PPP6R3: variants seen among roughly 807,000 people sequenced by gnomAD.
PPP6R3 encodes serine/threonine-protein phosphatase 6 regulatory subunit 3.
A neutral mutation model predicts 110.7 loss-of-function variants in PPP6R3; 38 were observed. The observed-to-expected ratio is 0.34, with a 90% CI of 0.26 to 0.45. The LOEUF (loss-of-function observed/expected upper bound fraction) is 0.45. Ranked by LOEUF, PPP6R3 falls within the 20% of genes least tolerant of loss-of-function variation. The pLI, the probability that PPP6R3 is intolerant of heterozygous loss-of-function variation, is 1.00. For synonymous variants in PPP6R3, 369 were observed against 373.5 expected (o/e 0.99, Z 0.14); for missense variants, 870 against 1,062.4 (o/e 0.82, Z 2.52).
At chr11:68,556,778 T>C (rs2099401265) in intron 7 of PPP6R3, among the ~76,000 whole-genome samples, 1 of 152,198 alleles carries the variant, frequency 6.6e-6, no homozygotes, top group Admixed American at 6.5e-5. Flanking sequence ...AGTCCTTTGG[T>C]TTATTATTTC....
chr11:68,588,046 C>G (rs190552433), intron 16 of PPP6R3, 22 bp downstream of exon 16: 1 of 1,587,074 alleles, frequency 6.3e-7, no homozygotes, highest in East Asian at 2.2e-5. Context: ...TTTCTGTTTC[C>G]GCTGTTGCTC....
intron 15 of PPP6R3, among the ~76,000 whole-genome samples, chr11:68,583,891 C>T (rs1593577534): frequency 6.6e-6 from 1 of 152,164 alleles, no homozygotes; most frequent in Non-Finnish European, 1.5e-5. Context: ...GGACACCTTC[C>T]CACCCAGCAC....
At chr11:68,466,433 C>CTTTTTTTT (rs906791744) in intron 1 of PPP6R3, among the ~76,000 whole-genome samples, 65 of 125,388 alleles carry the variant, frequency 5.2e-4, no homozygotes, top group African/African-American at 1.6e-3. Flanking sequence ...AGGACATTTT[C>CTTTTTTTT]TTTTTTTTTT....
chr11:68,494,519 T>C (rs903348983), intron 1 of PPP6R3, among the ~76,000 whole-genome samples: 3 of 152,038 alleles, frequency 2.0e-5, no homozygotes, highest in African/African-American at 7.2e-5. Context: ...TTTAATTATT[T>C]GTGATTTGTT....
intron 14 of PPP6R3, among the ~76,000 whole-genome samples, chr11:68,579,777 A>G (rs2099545918): frequency 6.6e-6 from 1 of 152,214 alleles, no homozygotes; most frequent in Non-Finnish European, 1.5e-5. Flanking sequence ...TTTTATTTGT[A>G]GATACACAAA....
At chr11:68,570,896 T>G (rs2099501690) in intron 11 of PPP6R3, 144 bp from the exon 12 acceptor site, 3 of 999,630 alleles carry the variant, frequency 3.0e-6, no homozygotes, top group African/African-American at 1.7e-5. Flanking sequence ...TGCAGTAGAT[T>G]GATGATCACA....
intron 23 of PPP6R3, among the ~76,000 whole-genome samples, chr11:68,611,927 A>C (rs984958404): frequency 2.6e-5 from 4 of 152,172 alleles, no homozygotes; most frequent in Non-Finnish European, 5.9e-5. Flanking sequence ...ACACTTAAAG[A>C]TCTGCATTGC....
chr11:68,573,114 TTATATATATATATATATA>T (rs60848718), intron 12 of PPP6R3, among the ~76,000 whole-genome samples: 1,156 of 61,808 alleles, frequency 0.019, 100 homozygotes, highest in Non-Finnish European at 0.017. Context: ...TTTACTTATT[TTATATATATATATATATA>T]TATATATATA....
Position 68,601,897 on chromosome 11 carries a change from G to C in PPP6R3, c.2227G>C (p.Glu743Gln). ...TTCTTTAAGGAGTAATTCTCCAGTG[G>C]AAATGGAAACCAGCACTGAACCCAT... ...KDSLRSNSPV[E>Q]METSTEPMDP... The change falls in exon 21 of 24, where the codon GAA (glutamate) becomes CAA (glutamine). Residue 743 changes from glutamate (E) to glutamine (Q), a missense_variant. By Grantham distance (29) the Glu-to-Gln change is conservative. Coordinates refer to ENST00000393800, the MANE Select transcript of PPP6R3 (RefSeq NM_001164161.2). 1 of 1,613,412 alleles carries C rather than the reference G, an allele frequency of 6.2e-7. No individual in the cohort carries two copies. The highest frequency in any genetic ancestry group is 2.2e-5 in the East Asian group (1 of 44,856).
rs531709214 is a variant in PPP6R3 at position 68,499,041 on chromosome 11, G to C, written c.-157-20460G>C. Among the ~76,000 whole-genome samples the C allele has an allele frequency of 4.6e-5, 7 of 152,278 alleles. 2 individuals are homozygous for C. Among genetic ancestry groups the C allele is most frequent in the African/African-American group, 1.7e-4 (7 of 41,556 alleles). ...CTTAGGGCAATTTTAATTTACAGTA[G>C]TGAGGTCATACGTTTATTGGTCATT... On this transcript the variant is annotated intron_variant, in intron 1 of 23. Coordinates refer to ENST00000393800, the MANE Select transcript of PPP6R3 (RefSeq NM_001164161.2).
intron 1 of PPP6R3, among the ~76,000 whole-genome samples, chr11:68,515,524 A>C (rs1565540064): frequency 6.6e-6 from 1 of 152,246 alleles, no homozygotes; most frequent in Non-Finnish European, 1.5e-5. Flanking sequence ...CGATGTTCCA[A>C]AACACGCCCA....
intron 19 of PPP6R3, among the ~76,000 whole-genome samples, chr11:68,598,086 C>T (rs946878640): frequency 1.3e-5 from 2 of 152,264 alleles, no homozygotes; most frequent in Admixed American, 6.5e-5. Flanking sequence ...AACAATTCCT[C>T]ATTTCTACTT....
At chr11:68,474,345 C>G (rs1003042404) in intron 1 of PPP6R3, among the ~76,000 whole-genome samples, 1 of 152,172 alleles carries the variant, frequency 6.6e-6, no homozygotes, top group Non-Finnish European at 1.5e-5. Flanking sequence ...TGCGTCCAGC[C>G]TGATTATCTT....
At chr11:68,471,254 G>A (rs974699772) in intron 1 of PPP6R3, among the ~76,000 whole-genome samples, 6 of 147,828 alleles carry the variant, frequency 4.1e-5, no homozygotes, top group African/African-American at 1.3e-4. Flanking sequence ...CTGCACTCCA[G>A]CCTGGGTGAC....
intron 1 of PPP6R3, among the ~76,000 whole-genome samples, chr11:68,486,099 C>T (rs934114224): frequency 5.3e-5 from 8 of 150,884 alleles, no homozygotes; most frequent in South Asian, 2.1e-4. Context: ...GCCTTAAATA[C>T]GGGATAAATA....
At chr11:68,528,064 C>G (rs2099210277) in intron 2 of PPP6R3, among the ~76,000 whole-genome samples, 1 of 152,170 alleles carries the variant, frequency 6.6e-6, no homozygotes, top group Non-Finnish European at 1.5e-5. Flanking sequence ...GCCTGCCTGT[C>G]TCTGTTTTCT....
intron 1 of PPP6R3, among the ~76,000 whole-genome samples, chr11:68,494,366 A>G (rs1427660326): frequency 2.7e-5 from 4 of 150,650 alleles, no homozygotes; most frequent in Non-Finnish European, 5.9e-5. Context: ...TCTACTAAAA[A>G]TACAAAAATT....
At chr11:68,532,889 G>A (rs908332856) in intron 2 of PPP6R3, among the ~76,000 whole-genome samples, 1 of 152,206 alleles carries the variant, frequency 6.6e-6, no homozygotes, top group Non-Finnish European at 1.5e-5. Flanking sequence ...AGACTGTATA[G>A]GTTTGTGTAA....
chr11:68,501,067 G>C (rs922423229), intron 1 of PPP6R3, among the ~76,000 whole-genome samples: 2 of 152,144 alleles, frequency 1.3e-5, no homozygotes, highest in Admixed American at 6.5e-5. Flanking sequence ...GGATTTTGCT[G>C]TTGTTAGTTT....
Sources: gnomAD v4.1 joint callset for allele counts (sites outside exome capture counted in the v4.1 genomes callset) on GRCh38, gnomAD v4.1.1 for gene constraint, MANE v1.5 for transcripts, NCBI Gene and HGNC (gene_info 2026-07-23, HGNC 2026-07-21) for gene names.